KIF1B: variants seen among roughly 807,000 people sequenced by gnomAD.
KIF1B encodes the protein kinesin-like protein KIF1B.
Under a neutral mutation model 241.9 loss-of-function variants are expected in KIF1B, and 76 were observed. That is an observed-to-expected ratio of 0.31 (90% CI 0.26 to 0.38). The LOEUF (loss-of-function observed/expected upper bound fraction) is 0.38. Ranked by LOEUF, KIF1B falls within the 10% of genes least tolerant of loss-of-function variation. KIF1B has a pLI of 1.00. For synonymous variants in KIF1B, 750 were observed against 796.7 expected, an observed-to-expected ratio of 0.94 and a Z score of 0.99; for missense variants, 1,622 against 2,271.4, an observed-to-expected ratio of 0.71 and a Z score of 5.81.
chr1:10,306,182 T>C (rs1650820134), intron 22 of KIF1B: 2 of 1,038,888 alleles, frequency 1.9e-6, no homozygotes, highest in Non-Finnish European at 2.3e-6. Context: ...AAGAGAAGCT[T>C]TGAGAGATAT....
At position 10,361,610 on chromosome 1, in the gene KIF1B, G is replaced by A. The variant is rs888654509; in HGVS notation, c.4171-82G>A. On this transcript the variant is annotated intron_variant, in intron 39 of 48. Transcript: ENST00000676179. ...CCTTCAGTTCTCACAACTGGGACTC[G>A]CTTTCCAAATACGTTCGTGTATAGA... 54 of 1,562,276 alleles carry A rather than the reference G, an allele frequency of 3.5e-5. No homozygotes were observed. The African/African-American group carries it at 4.3e-4, about 13-fold the overall frequency.
chr1:10,270,417 A>T (rs1414329277), intron 7 of KIF1B, among the ~76,000 whole-genome samples: 2 of 152,226 alleles, frequency 1.3e-5, no homozygotes, highest in Non-Finnish European at 2.9e-5. Context: ...GTTTATCAAT[A>T]GTTCCTTTTC....
rs1207921829 is a variant in KIF1B, at chr1:10,282,473, C to T, written c.1374C>T (p.Thr458=). ...GTCAGGTGGGCTTGACGTCTGTGAC[C>T]AGTATTCAAGAGAGGATCATGTCTA... The part of the protein sequence containing the change: ...LSSQVGLTSV[T]SIQERIMSTP... The change falls in exon 15 of 49, where the codon ACC becomes ACT. Residue 458 remains threonine (T), a synonymous_variant. Coordinates refer to ENST00000676179, the MANE Select transcript of KIF1B (RefSeq NM_001365951.3). 1.9e-6 allele frequency: 3 copies of T among 1,614,082 alleles called. No homozygotes were observed. The highest frequency in any genetic ancestry group is 2.5e-6 in the Non-Finnish European group (3 of 1,180,016).
At chr1:10,324,205 GTATTAC>G in intron 25 of KIF1B, 143 bp downstream of exon 25, 1 of 779,664 alleles carries the variant, frequency 1.3e-6, no homozygotes, top group Admixed American at 2.1e-5. Context: ...TTGGCCAATG[GTATTAC>G]CATCCATCTG....
At position 10,288,961 on chromosome 1, in the gene KIF1B, T is replaced by C. The variant is rs574016210; in HGVS notation, c.1435-2121T>C. Among the ~76,000 whole-genome samples the C allele has an allele frequency of 8.5e-5, 13 of 152,316 alleles. No homozygotes were observed. The South Asian group carries it at 1.0e-3, about 12-fold the overall frequency. On this transcript the variant is annotated intron_variant, in intron 15 of 48. Transcript: ENST00000676179. ...TACTCACAAGTCCTTTCTGTGTAGA[T>C]ATTTACGTTTTGGGGTCACAGGCTT...
intron 21 of KIF1B, 26 bp downstream of exon 21, chr1:10,297,103 T>G: frequency 1.9e-6 from 3 of 1,613,694 alleles, no homozygotes; most frequent in Non-Finnish European, 2.5e-6. Flanking sequence ...GCAGCCCATA[T>G]GACTGTTTCT....
intron 15 of KIF1B, among the ~76,000 whole-genome samples, chr1:10,286,004 T>C (rs1417589029): frequency 6.6e-6 from 1 of 152,216 alleles, no homozygotes; most frequent in East Asian, 1.9e-4. Flanking sequence ...GAATAGCCTT[T>C]TTCCATATGT....
Position 10,326,464 on chromosome 1 carries a change from A to C in KIF1B, c.2924+105A>C. 11 of 1,398,964 alleles carry C rather than the reference A, an allele frequency of 7.9e-6. No homozygotes were observed. Among genetic ancestry groups the C allele is most frequent in the South Asian group, 1.2e-5 (1 of 86,072 alleles). 86.7% of individuals were successfully genotyped at this position (1,398,964 alleles called of 1,614,324 possible). On this transcript the variant is annotated intron_variant, in intron 27 of 48. Transcript: ENST00000676179. This position sits in a 1 kb window ranked among gnomAD's most constrained non-coding sequence, Gnocchi z 5.2. ...AACCTTGCATTAGCCAATTCAACTC[A>C]TGAATGCTCTTTTTCAAGTTCTCCA...
chr1:10,312,360 G>A (rs1009729030), intron 22 of KIF1B, among the ~76,000 whole-genome samples: 1 of 151,424 alleles, frequency 6.6e-6, no homozygotes, highest in African/African-American at 2.5e-5. Flanking sequence ...AGCCACCACA[G>A]TGCTGGACAG....
chr1:10,232,258 G>T lies in KIF1B; in HGVS notation c.-71G>T. The T allele has an allele frequency of 8.3e-7, 1 of 1,210,932 alleles. No homozygotes were observed. 75.0% of individuals were successfully genotyped at this position (1,210,932 alleles called of 1,614,324 possible). Reference sequence around the variant, plus strand: ...TTTTTTTCTTTTCAAAGGAAACTTGGCTGTAACTTCAAAAGAAGATTTGAT... The same window carrying T: ...TTTTTTTCTTTTCAAAGGAAACTTGTCTGTAACTTCAAAAGAAGATTTGAT... On this transcript the variant is annotated 5_prime_UTR_variant, in exon 2 of 49. Transcript: ENST00000676179.
intron 2 of KIF1B, among the ~76,000 whole-genome samples, chr1:10,248,244 G>A (rs1386030678): frequency 6.6e-6 from 1 of 152,108 alleles, no homozygotes; most frequent in African/African-American, 2.4e-5. Context: ...TGCCCAGGCT[G>A]GATGGAGTGT....
Position 10,347,766 on chromosome 1 carries a change from T to C in KIF1B, c.3803T>C (p.Ile1268Thr), listed in dbSNP as rs1424475837. ...TTTGCGTTTCTATTTTTTAGGTATATCCCAGCTGTGGTTGACCACACAGCA... is the reference window on the plus strand; with the variant it reads ...TTTGCGTTTCTATTTTTTAGGTATACCCCAGCTGTGGTTGACCACACAGCA... Reference protein sequence around the residue: ...ISELEPTGEYIPAVVDHTAGL... With the variant: ...ISELEPTGEYTPAVVDHTAGL... The change falls in exon 36 of 49, where the codon ATC (isoleucine) becomes ACC (threonine). Residue 1268 changes from isoleucine to threonine, a missense_variant. By Grantham distance (89) the Ile-to-Thr change is moderately conservative (BLOSUM62 -1). Transcript: ENST00000676179. 1 of 1,612,934 alleles carries C rather than the reference T, an allele frequency of 6.2e-7. No individual in the cohort carries two copies. Among genetic ancestry groups the C allele is most frequent in the African/African-American group, 1.3e-5 (1 of 74,914 alleles).
intron 22 of KIF1B, chr1:10,304,616 A>T: frequency 6.2e-7 from 1 of 1,614,026 alleles, no homozygotes; most frequent in South Asian, 1.1e-5. Flanking sequence ...TCAGCACCCA[A>T]TCTCAAAGCT....
chr1:10,289,153 G>T (rs1413629860), intron 15 of KIF1B, among the ~76,000 whole-genome samples: 1 of 151,868 alleles, frequency 6.6e-6, no homozygotes, highest in Admixed American at 6.6e-5. Context: ...GCATGTGCTC[G>T]TCCCCCTTTT....
At chr1:10,313,895 T>C (rs899093911) in intron 22 of KIF1B, among the ~76,000 whole-genome samples, 1 of 150,070 alleles carries the variant, frequency 6.7e-6, no homozygotes, top group Admixed American at 6.6e-5. Flanking sequence ...AAAATTATTA[T>C]TATTATTATT....
chr1:10,266,298 G>A (rs1034060418), intron 5 of KIF1B, among the ~76,000 whole-genome samples: 1 of 152,196 alleles, frequency 6.6e-6, no homozygotes, highest in Non-Finnish European at 1.5e-5. Context: ...GACAGACCTC[G>A]CTGTTGGAAG....
rs1648536617 is a variant in KIF1B, at chr1:10,267,578, A to G, written c.608+20A>G. The G allele has an allele frequency of 2.5e-6, 4 of 1,613,132 alleles. No individual in the cohort carries two copies. The highest frequency in any genetic ancestry group is 2.5e-6 in the Non-Finnish European group (3 of 1,179,132). ...AGCCAGGTATGGTAGGAAATAGAGTAATGACTGAGGTCTTTGGCACCTTTT... is the reference window on the plus strand; with the variant it reads ...AGCCAGGTATGGTAGGAAATAGAGTGATGACTGAGGTCTTTGGCACCTTTT... On this transcript the variant is annotated intron_variant, in intron 6 of 48. Coordinates refer to ENST00000676179, the MANE Select transcript of KIF1B (RefSeq NM_001365951.3).
intron 15 of KIF1B, 84 bp downstream of exon 15, chr1:10,282,617 A>G (rs1649468734): frequency 8.7e-7 from 1 of 1,143,836 alleles, no homozygotes; most frequent in African/African-American, 1.5e-5. Flanking sequence ...TAAGATTTCG[A>G]CTCAGCATAT....
intron 16 of KIF1B, 115 bp downstream of exon 16, chr1:10,291,276 C>A: frequency 1.4e-6 from 1 of 731,990 alleles, no homozygotes; most frequent in Admixed American, 2.6e-5. Flanking sequence ...TTCTAAAACA[C>A]AAAACGAAAC....
Sources: allele counts gnomAD v4.1 joint callset (sites outside exome capture counted in the v4.1 genomes callset), GRCh38; gene constraint gnomAD v4.1.1; non-coding constraint Gnocchi (gnomAD v3.1); transcripts MANE v1.5; gene names NCBI Gene and HGNC (gene_info 2026-07-23, HGNC 2026-07-21).